Variants in KCNN1 observed in about 807,000 individuals in gnomAD.
KCNN1 encodes the protein small conductance calcium-activated potassium channel protein 1.
A neutral mutation model predicts 44.7 loss-of-function variants in KCNN1; 20 were observed. The ratio of observed to expected loss-of-function variants is 0.45; its 90% confidence interval spans 0.32 to 0.65. KCNN1 has a LOEUF of 0.65. KCNN1 is among the 30% of genes least tolerant of loss of function. KCNN1 has a pLI of 0.05. For missense variants in KCNN1, 632 were observed against 785.3 expected, an observed-to-expected ratio of 0.80 and a Z score of 2.33; for synonymous variants, 324 against 341.7, an observed-to-expected ratio of 0.95 and a Z score of 0.57.
In KCNN1 at chr19:17,974,052, C is replaced by T; in HGVS notation, c.164C>T (p.Ser55Leu). The T allele has an allele frequency of 6.2e-7, 1 of 1,610,788 alleles. No individual in the cohort carries two copies. Among genetic ancestry groups the T allele is most frequent in the Non-Finnish European group, 8.5e-7 (1 of 1,179,450 alleles). Reference protein sequence around the residue: ...VVAKSEPARPSPGSPRGQPQD... With the variant: ...VVAKSEPARPLPGSPRGQPQD... Reference sequence around the variant, plus strand: ...GCCAAGAGTGAGCCAGCCCGGCCCTCACCCGGCAGCCCCCGGGGGCAGCCC... The same window carrying T: ...GCCAAGAGTGAGCCAGCCCGGCCCTTACCCGGCAGCCCCCGGGGGCAGCCC... Residue 55 changes from serine to leucine, a missense_variant, in exon 2 of 10, where the codon TCA becomes TTA. This residue lies in a region of KCNN1 where 235 missense variants were observed against 224.0 expected (regional missense o/e 1.05). Coordinates refer to ENST00000684775, the MANE Select transcript of KCNN1 (RefSeq NM_001386974.1). This position sits in a 1 kb window ranked among gnomAD's most constrained non-coding sequence, Gnocchi z 7.3.
At chr19:17,968,432 G>A (rs1386152025) in intron 1 of KCNN1, among the ~76,000 whole-genome samples, 1 of 143,978 alleles carries the variant, frequency 6.9e-6, no homozygotes, top group Non-Finnish European at 1.5e-5. Context: ...GGGTGGGGGG[G>A]AGGCACCATG....
chr19:17,966,460 G>A (rs2031811867), upstream of KCNN1, among the ~76,000 whole-genome samples: 1 of 152,208 alleles, frequency 6.6e-6, no homozygotes, highest in South Asian at 2.1e-4. Flanking sequence ...CACAGTTTTG[G>A]GGACCCCCAG....
Position 17,974,083 on chromosome 19 carries a change from C to T in KCNN1, c.195C>T (p.Asp65=). 6.2e-7 allele frequency: 1 copy of T among 1,611,774 alleles called. No homozygotes were observed. ...SPGSPRGQPQ[D]QDDDEDDEED... is the part of the protein sequence containing the mutation. ...GCAGCCCCCGGGGGCAGCCCCAGGA[C>T]CAGGACGATGACGAGGATGATGAGG... Residue 65 remains aspartate, a synonymous_variant, in exon 2 of 10, where the codon GAC becomes GAT. Coordinates refer to ENST00000684775, the MANE Select transcript of KCNN1 (RefSeq NM_001386974.1). The surrounding 1 kb of genome is among the most constrained non-coding windows in gnomAD (Gnocchi z 7.3).
At position 17,989,744 on chromosome 19, in the gene KCNN1, G is replaced by A. The variant is rs763101089; in HGVS notation, c.1199G>A (p.Arg400Lys). Residue 400 changes from arginine to lysine, a missense_variant, in exon 7 of 10, where the codon AGG (arginine) becomes AAG (lysine). Around this residue, in one of 3 missense-constraint regions of KCNN1, gnomAD observed 237 missense variants for 253.0 expected, o/e 0.94. Coordinates refer to ENST00000684775, the MANE Select transcript of KCNN1 (RefSeq NM_001386974.1). ...RVKNAAANVLRETWLIYKHTR... is the reference protein window; with the variant it reads ...RVKNAAANVLKETWLIYKHTR... ...AAAAACGCCGCTGCTAACGTTCTCAGGGAGACGTGGCTCATCTACAAACAT... is the reference window on the plus strand; with the variant it reads ...AAAAACGCCGCTGCTAACGTTCTCAAGGAGACGTGGCTCATCTACAAACAT... 1 of 1,613,894 alleles carries A rather than the reference G, an allele frequency of 6.2e-7. No individual in the cohort carries two copies. The highest frequency in any genetic ancestry group is 1.1e-5 in the South Asian group (1 of 91,088).
chr19:17,997,680 A>G (rs961537365), intron 9 of KCNN1, among the ~76,000 whole-genome samples: 7 of 152,108 alleles, frequency 4.6e-5, no homozygotes, highest in Non-Finnish European at 7.4e-5. Flanking sequence ...AAGTTTCACC[A>G]TGTTGGCCAG....
intron 1 of KCNN1, among the ~76,000 whole-genome samples, chr19:17,968,423 GGT>G (rs909392924): frequency 6.6e-6 from 1 of 152,002 alleles, no homozygotes; most frequent in African/African-American, 2.4e-5. Flanking sequence ...GTAGTGGGGG[GGT>G]GGGGGGGAGG....
chr19:17,973,786 A>G (rs1054490972), intron 1 of KCNN1, 22 bp from the exon 2 acceptor site: 13 of 1,487,286 alleles, frequency 8.7e-6, no homozygotes, highest in Non-Finnish European at 1.2e-5. Flanking sequence ...TGCTGTGACC[A>G]TGTCCCTCTG....
intron 3 of KCNN1, among the ~76,000 whole-genome samples, chr19:17,980,828 C>A (rs1477141530): frequency 6.6e-6 from 1 of 151,934 alleles, no homozygotes; most frequent in Admixed American, 6.6e-5. Flanking sequence ...ATCACTTGAG[C>A]CCAGGAGGTC....
chr19:17,990,825 G>GA (rs971037558), intron 7 of KCNN1, among the ~76,000 whole-genome samples: 9 of 148,456 alleles, frequency 6.1e-5, no homozygotes, highest in Admixed American at 4.0e-4. Context: ...GAAAGAAAAA[G>GA]AAAAAAAAGA....
chr19:17,992,726 A>C (rs578027053), intron 7 of KCNN1, among the ~76,000 whole-genome samples: 5 of 152,320 alleles, frequency 3.3e-5, no homozygotes, highest in African/African-American at 1.2e-4. Context: ...TGTGGGTTCA[A>C]ATCCTGCCGG....
intron 4 of KCNN1, among the ~76,000 whole-genome samples, chr19:17,984,646 T>G (rs1030336596): frequency 1.3e-5 from 2 of 152,074 alleles, no homozygotes; most frequent in East Asian, 3.9e-4. Context: ...AGGCAGAACC[T>G]CTTTGCAGCC....
chr19:17,991,412 C>G (rs2145970176), intron 7 of KCNN1, among the ~76,000 whole-genome samples: 1 of 152,298 alleles, frequency 6.6e-6, no homozygotes, highest in Admixed American at 6.5e-5. Flanking sequence ...GATTGCGCCA[C>G]TGCACTCCAG....
upstream of KCNN1, among the ~76,000 whole-genome samples, chr19:17,962,518 T>C (rs2031705453): frequency 6.6e-6 from 1 of 152,074 alleles, no homozygotes; most frequent in Admixed American, 6.6e-5. Flanking sequence ...GTCCCTGCCT[T>C]AGAGTACAAG....
intron 1 of KCNN1, among the ~76,000 whole-genome samples, chr19:17,953,336 T>A (rs1241591582): frequency 6.6e-6 from 1 of 152,120 alleles, no homozygotes; most frequent in Non-Finnish European, 1.5e-5. Context: ...GGCCCTGCCC[T>A]CCCAAGGCTA....
At chr19:17,967,659 G>T (rs933974592) in intron 1 of KCNN1, among the ~76,000 whole-genome samples, 1 of 151,966 alleles carries the variant, frequency 6.6e-6, no homozygotes, top group Non-Finnish European at 1.5e-5. Context: ...ACTTGGGAAT[G>T]GGAGGGAGGT....
At chr19:17,982,732 C>G (rs572427169) in intron 4 of KCNN1, among the ~76,000 whole-genome samples, 1 of 152,288 alleles carries the variant, frequency 6.6e-6, no homozygotes, top group African/African-American at 2.4e-5. Context: ...GTCACCCCGT[C>G]ACGGGGGCAG....
upstream of KCNN1, among the ~76,000 whole-genome samples, chr19:17,964,540 C>T (rs964261183): frequency 2.0e-5 from 3 of 152,240 alleles, no homozygotes; most frequent in African/African-American, 7.2e-5. The surrounding 1 kb of genome is among the most constrained non-coding windows in gnomAD (Gnocchi z 4.3). Context: ...GTCCCGGGGG[C>T]GTCTTGGCTG....
intron 2 of KCNN1, among the ~76,000 whole-genome samples, chr19:17,956,605 G>T (rs1179529115): frequency 6.6e-6 from 1 of 151,578 alleles, no homozygotes; most frequent in African/African-American, 2.4e-5. Context: ...AAATTAACCA[G>T]TGGGGTGGTG....
At chr19:17,952,870 A>G (rs938455632) in intron 1 of KCNN1, among the ~76,000 whole-genome samples, 1 of 151,854 alleles carries the variant, frequency 6.6e-6, no homozygotes, top group African/African-American at 2.4e-5. Flanking sequence ...GGACAGGAGG[A>G]GGGGCTGAGG....
Sources: allele counts gnomAD v4.1 joint callset (sites outside exome capture counted in the v4.1 genomes callset), GRCh38; gene constraint gnomAD v4.1.1; regional missense constraint gnomAD v4.1.1; non-coding constraint Gnocchi (gnomAD v3.1); transcripts MANE v1.5; gene names NCBI Gene and HGNC (gene_info 2026-07-23, HGNC 2026-07-21).